Variants in SUCLG2 observed in about 807,000 individuals in gnomAD.
SUCLG2 encodes succinate-CoA ligase GDP-forming subunit beta, also known as succinate--CoA ligase [GDP-forming] subunit beta, mitochondrial.
A neutral mutation model predicts 47.9 loss-of-function variants in SUCLG2; 42 were observed. The observed-to-expected ratio is 0.88, with a 90% CI of 0.69 to 1.14. The LOEUF (loss-of-function observed/expected upper bound fraction) is 1.14, where lower values mean the gene tolerates loss of function less well. Among genes scored for constraint, SUCLG2 ranks in the 50% most tolerant of loss-of-function variants. The pLI is 0.00. For missense variants in SUCLG2, 571 were observed against 525.9 expected, an observed-to-expected ratio of 1.09 and a Z score of -0.84; for synonymous variants, 195 against 197.3, an observed-to-expected ratio of 0.99 and a Z score of 0.10.
At chr3:67,370,319 G>T (rs957106708), downstream of SUCLG2, among the ~76,000 whole-genome samples, 1 of 152,138 alleles carries the variant, frequency 6.6e-6, no homozygotes, top group African/African-American at 2.4e-5. Context: ...GAGTCATGCA[G>T]TTGGGAAACA....
intron 1 of SUCLG2, among the ~76,000 whole-genome samples, chr3:67,614,755 G>A (rs1188401255): frequency 6.6e-6 from 1 of 152,046 alleles, no homozygotes; most frequent in African/African-American, 2.4e-5. Context: ...AGGGACCACT[G>A]GGGTCCAATC....
intron 9 of SUCLG2, among the ~76,000 whole-genome samples, chr3:67,442,637 C>T (rs1353371579): frequency 6.6e-6 from 1 of 152,126 alleles, no homozygotes; most frequent in African/African-American, 2.4e-5. Flanking sequence ...TCAGCCTAAT[C>T]AAAATATTTA....
At chr3:67,395,433 T>C (rs574092740) in intron 10 of SUCLG2, among the ~76,000 whole-genome samples, 1 of 152,264 alleles carries the variant, frequency 6.6e-6, no homozygotes, top group South Asian at 2.1e-4. Flanking sequence ...AGAAGGCCAT[T>C]ACATAATGGT....
chr3:67,402,967 C>T (rs1453878821), intron 9 of SUCLG2, among the ~76,000 whole-genome samples: 2 of 152,228 alleles, frequency 1.3e-5, no homozygotes, highest in East Asian at 1.9e-4. Context: ...GGGCTTGAGA[C>T]CCTGTGATTC....
At chr3:67,382,551 T>C (rs1310329550) in intron 10 of SUCLG2, among the ~76,000 whole-genome samples, 5 of 152,234 alleles carry the variant, frequency 3.3e-5, no homozygotes, top group African/African-American at 4.8e-5. Flanking sequence ...CTGCCTCTTT[T>C]TGTATCACCT....
At chr3:67,532,940 A>G (rs1434324478) in intron 2 of SUCLG2, among the ~76,000 whole-genome samples, 1 of 152,204 alleles carries the variant, frequency 6.6e-6, no homozygotes. Flanking sequence ...CACATGCTAG[A>G]TAATAAACAT....
At chr3:67,627,751 G>C (rs1700859484) in intron 1 of SUCLG2, among the ~76,000 whole-genome samples, 1 of 152,216 alleles carries the variant, frequency 6.6e-6, no homozygotes. Context: ...GGCAAAAGGA[G>C]CTGGTTTCAA....
chr3:67,415,608 C>CT (rs1458938147), intron 9 of SUCLG2, among the ~76,000 whole-genome samples: 4 of 152,224 alleles, frequency 2.6e-5, no homozygotes, highest in African/African-American at 9.6e-5. Context: ...CTCTTCTACT[C>CT]TAACACCTTC....
chr3:67,519,715 T>C (rs536113226), intron 5 of SUCLG2, among the ~76,000 whole-genome samples: 174 of 152,310 alleles, frequency 1.1e-3, no homozygotes, highest in African/African-American at 4.1e-3. Context: ...GTAATGTAAT[T>C]TTGACCCCAA....
At chr3:67,499,682 G>A (rs1040010001) in intron 7 of SUCLG2, among the ~76,000 whole-genome samples, 8 of 151,976 alleles carry the variant, frequency 5.3e-5, no homozygotes, top group African/African-American at 1.7e-4. Flanking sequence ...AGAAATTAGT[G>A]TTCTGTGATG....
chr3:67,390,998 T>C (rs1471951243), intron 10 of SUCLG2, among the ~76,000 whole-genome samples: 2 of 152,220 alleles, frequency 1.3e-5, no homozygotes, highest in Non-Finnish European at 2.9e-5. Flanking sequence ...TCTTAATATA[T>C]TAATAATAAA....
At chr3:67,540,067 T>A (rs980752540) in intron 2 of SUCLG2, among the ~76,000 whole-genome samples, 1 of 151,638 alleles carries the variant, frequency 6.6e-6, no homozygotes, top group African/African-American at 2.4e-5. Context: ...TCAGTTCTGC[T>A]CTGATCTTAG....
At chr3:67,649,383 G>A (rs182950718) in intron 1 of SUCLG2, among the ~76,000 whole-genome samples, 118 of 152,334 alleles carry the variant, frequency 7.7e-4, no homozygotes, top group African/African-American at 1.5e-3. Context: ...TATAAAGAAT[G>A]AGCTGTAATA....
At chr3:67,567,785 T>C (rs576322081) in intron 2 of SUCLG2, among the ~76,000 whole-genome samples, 21 of 152,342 alleles carry the variant, frequency 1.4e-4, no homozygotes, top group Admixed American at 9.8e-4. Context: ...AAAAGATTCA[T>C]TTCCCAGCAT....
At chr3:67,627,247 T>C (rs536133663) in intron 1 of SUCLG2, among the ~76,000 whole-genome samples, 2 of 152,200 alleles carry the variant, frequency 1.3e-5, no homozygotes, top group Admixed American at 6.5e-5. Context: ...AACCAATTTT[T>C]ACTTGGCATC....
At chr3:67,521,963 G>A (rs1296181057) in intron 4 of SUCLG2, among the ~76,000 whole-genome samples, 2 of 151,774 alleles carry the variant, frequency 1.3e-5, no homozygotes, top group Non-Finnish European at 2.9e-5. Context: ...TCTTTCTAAG[G>A]TCTTCTCTCT....
At chr3:67,552,526 C>G (rs550519510) in intron 2 of SUCLG2, among the ~76,000 whole-genome samples, 9 of 152,336 alleles carry the variant, frequency 5.9e-5, no homozygotes, top group African/African-American at 2.2e-4. Context: ...CTCTGCAACA[C>G]TGTTACTGCA....
At chr3:67,474,039 C>T (rs150859079) in intron 9 of SUCLG2, among the ~76,000 whole-genome samples, 3,568 of 152,218 alleles carry the variant, frequency 0.023, 82 homozygotes, top group African/African-American at 0.059. Flanking sequence ...AGGATGATCA[C>T]GAGGTCAGGA....
intron 9 of SUCLG2, among the ~76,000 whole-genome samples, chr3:67,441,352 G>A (rs1327795768): frequency 6.6e-6 from 1 of 150,456 alleles, no homozygotes; most frequent in African/African-American, 2.5e-5. Context: ...TTCTGCACAT[G>A]TATCTCAGAA....
Sources: gnomAD v4.1 joint callset for allele counts (sites outside exome capture counted in the v4.1 genomes callset) on GRCh38, gnomAD v4.1.1 for gene constraint, MANE v1.5 for transcripts, NCBI Gene and HGNC (gene_info 2026-07-23, HGNC 2026-07-21) for gene names.